ZNRF1: variants seen among roughly 807,000 people sequenced by gnomAD.
The protein encoded by ZNRF1 is E3 ubiquitin-protein ligase ZNRF1.
In ZNRF1, 3 loss-of-function variants were observed where a neutral mutation model predicts 18.4. That is an observed-to-expected ratio of 0.16 (90% CI 0.07 to 0.42). The LOEUF is 0.42. ZNRF1 is among the 10% of genes least tolerant of loss of function. The pLI is 0.99. For synonymous variants in ZNRF1, 157 were observed against 144.2 expected, an observed-to-expected ratio of 1.09 and a Z score of -0.64; for missense variants, 310 against 329.8, an observed-to-expected ratio of 0.94 and a Z score of 0.47.
At chr16:75,027,096 T>C (rs1259361310) in intron 1 of ZNRF1, among the ~76,000 whole-genome samples, 2 of 151,878 alleles carry the variant, frequency 1.3e-5, no homozygotes, top group African/African-American at 4.8e-5. Flanking sequence ...TCAGCCAGTG[T>C]TACATAGCTA....
intron 4 of ZNRF1, chr16:75,106,784 A>G (rs1175088208): frequency 7.8e-6 from 4 of 514,694 alleles, no homozygotes; most frequent in Non-Finnish European, 1.4e-5. Flanking sequence ...GTTATGAAGA[A>G]CAGGCTCAGA....
chr16:75,109,133 A>G lies in ZNRF1; in HGVS notation c.*1433A>G, dbSNP rs1417546409. 1 of 152,354 alleles carries G rather than the reference A, an allele frequency of 6.6e-6. No individual in the cohort carries two copies. The highest frequency in any genetic ancestry group is 1.5e-5 in the Non-Finnish European group (1 of 68,128). The allele number at this position is 152,354 out of a possible 1,614,324, so 9.4% of individuals were successfully genotyped here. On this transcript the variant is annotated 3_prime_UTR_variant, in exon 5 of 5. Transcript: ENST00000335325. ...TGCGTCTCAGTGCTGACTCACGGGC[A>G]TGCTTCATTGAGGCCCAGGAAGAGG...
At chr16:75,081,172 CAAAT>C (rs1341708417) in intron 1 of ZNRF1, among the ~76,000 whole-genome samples, 2 of 152,014 alleles carry the variant, frequency 1.3e-5, no homozygotes, top group African/African-American at 2.4e-5. Flanking sequence ...GACTCTGTCT[CAAAT>C]AAATAAATAA....
At chr16:75,067,347 T>C (rs915483498) in intron 1 of ZNRF1, among the ~76,000 whole-genome samples, 6 of 152,214 alleles carry the variant, frequency 3.9e-5, no homozygotes, top group African/African-American at 1.4e-4. Flanking sequence ...CAAGAGAACA[T>C]AGACCCCATG....
chr16:75,096,963 T>C (rs2036207362), intron 2 of ZNRF1, among the ~76,000 whole-genome samples: 1 of 152,126 alleles, frequency 6.6e-6, no homozygotes, highest in Non-Finnish European at 1.5e-5. Context: ...GAGCCCCTGC[T>C]GGAGGGGCAG....
intron 1 of ZNRF1, among the ~76,000 whole-genome samples, chr16:75,087,083 A>G (rs962545512): frequency 6.6e-6 from 1 of 152,192 alleles, no homozygotes; most frequent in African/African-American, 2.4e-5. Flanking sequence ...CCAGAGCATA[A>G]AAACTCGAGT....
intron 1 of ZNRF1, among the ~76,000 whole-genome samples, chr16:75,087,285 A>C (rs1170422593): frequency 6.6e-6 from 1 of 152,198 alleles, no homozygotes. Flanking sequence ...TTCCCCTAAC[A>C]GTGGGCTTAC....
At chr16:75,034,030 C>T (rs948451837) in intron 1 of ZNRF1, among the ~76,000 whole-genome samples, 1 of 151,698 alleles carries the variant, frequency 6.6e-6, no homozygotes, top group Non-Finnish European at 1.5e-5. Flanking sequence ...TGTTGGTGCA[C>T]ACCTGTAGTC....
rs2034816349 is a variant in ZNRF1 at position 74,999,891 on chromosome 16, C to T, written c.220C>T (p.Pro74Ser). Reference sequence around the variant, plus strand: ...GGGGGTGCCCTTTGGCCTCTACACCCCCGCCTCCCGGGGCACCGGCGACTC... The same window carrying T: ...GGGGGTGCCCTTTGGCCTCTACACCTCCGCCTCCCGGGGCACCGGCGACTC... ...AGGVPFGLYT[P>S]ASRGTGDSER... The change falls in exon 1 of 5, where the codon CCC becomes TCC. Residue 74 changes from proline (P) to serine (S), a missense_variant. Pro to Ser is a moderately conservative substitution (Grantham distance 74). Coordinates refer to ENST00000335325, the MANE Select transcript of ZNRF1 (RefSeq NM_032268.5). 1 of 1,540,846 alleles carries T rather than the reference C, an allele frequency of 6.5e-7. No individual in the cohort carries two copies. The highest frequency in any genetic ancestry group is 2.4e-5 in the East Asian group (1 of 41,034).
chr16:75,060,623 C>G (rs1428572715), intron 1 of ZNRF1, among the ~76,000 whole-genome samples: 1 of 151,664 alleles, frequency 6.6e-6, no homozygotes, highest in Non-Finnish European at 1.5e-5. Flanking sequence ...ATTACAGGCA[C>G]ACACCACCCT....
chr16:75,100,371 G>A (rs759709255), intron 2 of ZNRF1, among the ~76,000 whole-genome samples: 7 of 152,188 alleles, frequency 4.6e-5, no homozygotes, highest in Non-Finnish European at 8.8e-5. Context: ...AAGAAGAATC[G>A]CCCTCGCGCC....
chr16:75,033,446 T>G (rs900935002), intron 1 of ZNRF1, among the ~76,000 whole-genome samples: 4 of 148,844 alleles, frequency 2.7e-5, no homozygotes, highest in South Asian at 2.1e-4. Context: ...AGTTTTTTTT[T>G]TTTTTTTTTT....
At chr16:75,042,454 T>TTC (rs1405709972) in intron 1 of ZNRF1, among the ~76,000 whole-genome samples, 2 of 149,840 alleles carry the variant, frequency 1.3e-5, no homozygotes, top group Non-Finnish European at 3.0e-5. Flanking sequence ...TTTTTTTTTT[T>TTC]TTTTTTTTGT....
chr16:75,048,080 G>C (rs926597903), intron 1 of ZNRF1, among the ~76,000 whole-genome samples: 1 of 151,928 alleles, frequency 6.6e-6, no homozygotes, highest in Non-Finnish European at 1.5e-5. Flanking sequence ...AGCTTCCCAA[G>C]TAGCTGGAAC....
chr16:75,039,804 A>T (rs1429435331), intron 1 of ZNRF1, among the ~76,000 whole-genome samples: 2 of 152,192 alleles, frequency 1.3e-5, no homozygotes, highest in Non-Finnish European at 2.9e-5. Flanking sequence ...AATCCCTTTC[A>T]TAGTTCTTTG....
intron 1 of ZNRF1, among the ~76,000 whole-genome samples, chr16:75,062,480 A>G (rs893379280): frequency 1.3e-5 from 2 of 152,214 alleles, no homozygotes; most frequent in Non-Finnish European, 2.9e-5. Flanking sequence ...AGAGAGTGCA[A>G]ATATGGACTG....
intron 1 of ZNRF1, among the ~76,000 whole-genome samples, chr16:75,082,102 G>T (rs1159597218): frequency 6.6e-6 from 1 of 152,094 alleles, no homozygotes; most frequent in East Asian, 1.9e-4. Context: ...TGGCGGTCTT[G>T]AACTCCTGAC....
chr16:75,078,128 G>A (rs781315749), intron 1 of ZNRF1, among the ~76,000 whole-genome samples: 2 of 152,106 alleles, frequency 1.3e-5, no homozygotes, highest in African/African-American at 2.4e-5. Context: ...CTGTTTTACA[G>A]TTGAGAAAAT....
At chr16:75,041,572 C>G (rs952369828) in intron 1 of ZNRF1, among the ~76,000 whole-genome samples, 1 of 150,658 alleles carries the variant, frequency 6.6e-6, no homozygotes, top group African/African-American at 2.4e-5. Flanking sequence ...CCAAGTGATA[C>G]GCCCGCCTCA....
Sources: gnomAD v4.1 joint callset for allele counts (sites outside exome capture counted in the v4.1 genomes callset) on GRCh38, gnomAD v4.1.1 for gene constraint, MANE v1.5 for transcripts, NCBI Gene and HGNC (gene_info 2026-07-23, HGNC 2026-07-21) for gene names.